The following BCL2L13 variants were observed in gnomAD, a reference collection of about 807,000 sequenced individuals.
The protein encoded by BCL2L13 is bcl-2-like protein 13.
A neutral mutation model predicts 25.8 loss-of-function variants in BCL2L13; 13 were observed. That is an observed-to-expected ratio of 0.50 (90% CI 0.33 to 0.80). BCL2L13 has a LOEUF of 0.80. Ranked by LOEUF, BCL2L13 falls within the 30% of genes least tolerant of loss-of-function variation. BCL2L13 has a pLI of 0.02. For synonymous variants in BCL2L13, 244 were observed against 230.3 expected, an observed-to-expected ratio of 1.06 and a Z score of -0.54; for missense variants, 504 against 574.9, an observed-to-expected ratio of 0.88 and a Z score of 1.26.
chr22:17,638,023 A>G (rs1190391842), upstream of BCL2L13: 1 of 152,068 alleles, frequency 6.6e-6, no homozygotes, highest in Non-Finnish European at 1.5e-5. Flanking sequence ...CTTATTGTCA[A>G]TGCCCTCCTT....
In BCL2L13 at chr22:17,638,819, G is replaced by A. The variant is rs2058160238; in HGVS notation, c.-118G>A. On this transcript the variant is annotated 5_prime_UTR_variant, in exon 1 of 7. Coordinates refer to ENST00000317582, the MANE Select transcript of BCL2L13 (RefSeq NM_015367.4). Reference sequence around the variant, plus strand: ...GGGTCGGAGCACTCACCGCCGCTGGGGGACCCTGTCGGAAGCAACTGCCGC... The same window carrying A: ...GGGTCGGAGCACTCACCGCCGCTGGAGGACCCTGTCGGAAGCAACTGCCGC... 8.1e-7 allele frequency: 1 copy of A among 1,231,918 alleles called. No individual in the cohort carries two copies. The highest frequency in any genetic ancestry group is 1.0e-6 in the Non-Finnish European group (1 of 988,256). 76.3% of individuals were successfully genotyped at this position (1,231,918 alleles called of 1,614,324 possible).
intron 6 of BCL2L13, among the ~76,000 whole-genome samples, chr22:17,725,966 C>T (rs1321510048): frequency 6.6e-6 from 1 of 151,730 alleles, no homozygotes; most frequent in Non-Finnish European, 1.5e-5. Flanking sequence ...GTGCATGAAG[C>T]AGATTTTTGA....
At chr22:17,714,086 G>A (rs369614589) in intron 6 of BCL2L13, among the ~76,000 whole-genome samples, 5 of 152,048 alleles carry the variant, frequency 3.3e-5, no homozygotes, top group African/African-American at 1.2e-4. Flanking sequence ...GAGGTCAGGA[G>A]ATCGAGACCA....
chr22:17,671,261 G>A lies in BCL2L13; in HGVS notation c.122-11953G>A, dbSNP rs113971972. The stretch of plus-strand genomic sequence containing the variant: ...TACAAAAAATTAGGTGGGTGTGATG[G>A]TGGGTGCCTGTAGTCCCAGCTACTG... On this transcript the variant is annotated intron_variant, in intron 2 of 6. Coordinates refer to ENST00000317582, the MANE Select transcript of BCL2L13 (RefSeq NM_015367.4). Among the ~76,000 whole-genome samples the A allele has an allele frequency of 4.2e-3, 646 of 152,142 alleles. 8 individuals carry two copies. Among genetic ancestry groups the A allele is most frequent in the African/African-American group, 0.015 (618 of 41,504 alleles).
chr22:17,684,764 G>A (rs921493880), intron 3 of BCL2L13: 1 of 347,052 alleles, frequency 2.9e-6, no homozygotes, highest in Non-Finnish European at 5.6e-6. Context: ...GACAGAGTCT[G>A]GCTCTTTGCC....
intron 2 of BCL2L13, among the ~76,000 whole-genome samples, chr22:17,672,207 G>A (rs2059439775): frequency 6.6e-6 from 1 of 152,176 alleles, no homozygotes; most frequent in East Asian, 1.9e-4. Flanking sequence ...AGATCATGGA[G>A]CTCTACCCTA....
intron 2 of BCL2L13, among the ~76,000 whole-genome samples, chr22:17,665,980 A>G (rs1340985834): frequency 6.6e-6 from 1 of 152,180 alleles, no homozygotes; most frequent in East Asian, 1.9e-4. Flanking sequence ...GGTTAATACC[A>G]GGGAGCACAG....
chr22:17,631,276 G>A (rs2895948), intron 1 of BCL2L13, among the ~76,000 whole-genome samples: 132,928 of 151,324 alleles, frequency 0.88, 58,739 homozygotes, highest in African/African-American at 0.97. Flanking sequence ...TTTTCTTTTT[G>A]GTAGAAACAG....
intron 2 of BCL2L13, among the ~76,000 whole-genome samples, chr22:17,681,014 C>G (rs926838661): frequency 6.6e-6 from 1 of 152,076 alleles, no homozygotes; most frequent in African/African-American, 2.4e-5. Context: ...AGTCCCATTT[C>G]CTACTCTGTC....
intron 2 of BCL2L13, among the ~76,000 whole-genome samples, chr22:17,679,927 T>TA (rs1169852640): frequency 6.6e-6 from 1 of 151,856 alleles, no homozygotes; most frequent in Non-Finnish European, 1.5e-5. Flanking sequence ...TATTAAGACT[T>TA]ATGGGCCAGG....
At chr22:17,675,237 A>C (rs776706194) in intron 2 of BCL2L13, among the ~76,000 whole-genome samples, 2 of 152,182 alleles carry the variant, frequency 1.3e-5, no homozygotes, top group Non-Finnish European at 2.9e-5. Context: ...AACATAGGAC[A>C]CAGAAATGCA....
intron 6 of BCL2L13, among the ~76,000 whole-genome samples, chr22:17,707,359 G>A (rs185812526): frequency 8.7e-4 from 132 of 152,262 alleles, no homozygotes; most frequent in African/African-American, 2.8e-3. Context: ...TTGGTTATAA[G>A]GGTCCAAAGC....
intron 6 of BCL2L13, among the ~76,000 whole-genome samples, chr22:17,715,163 TATATATA>T (rs1226031938): frequency 5.4e-4 from 3 of 5,508 alleles, no homozygotes; most frequent in African/African-American, 1.5e-3. Context: ...TATATATATA[TATATATA>T]TTTTTTTTTT....
Position 17,730,749 on chromosome 22 carries a change from G to A in BCL2L13, c.*3215G>A, listed in dbSNP as rs939244436. The stretch of plus-strand genomic sequence containing the variant: ...TGATTGCTAACAGACACGACCTAGA[G>A]CTTCTGCCCAAATTCCCACACAAGC... On this transcript the variant is annotated 3_prime_UTR_variant, in exon 7 of 7. Coordinates refer to ENST00000317582, the MANE Select transcript of BCL2L13 (RefSeq NM_015367.4). 1.4e-4 allele frequency: 22 copies of A among 151,950 alleles called. No individual in the cohort carries two copies. Among genetic ancestry groups the A allele is most frequent in the African/African-American group, 4.8e-4 (20 of 41,340 alleles). 9.4% of individuals were successfully genotyped at this position (151,950 alleles called of 1,614,324 possible). A position where few individuals can be genotyped will look rare whatever the true frequency, so the allele number is the denominator to read the frequency against.
intron 1 of BCL2L13, among the ~76,000 whole-genome samples, chr22:17,630,446 A>G (rs1217885987): frequency 6.6e-6 from 1 of 150,722 alleles, no homozygotes; most frequent in African/African-American, 2.4e-5. Context: ...TGCATGGCTA[A>G]TTTTTGTATT....
At chr22:17,681,605 TTGTG>T (rs1375506212) in intron 2 of BCL2L13, among the ~76,000 whole-genome samples, 1 of 151,894 alleles carries the variant, frequency 6.6e-6, no homozygotes, top group Non-Finnish European at 1.5e-5. Context: ...TTGCCAAACA[TTGTG>T]GGAGGAGGGG....
chr22:17,645,225 A>AT lies in BCL2L13; in HGVS notation c.-51+6360dup, dbSNP rs60836823. Among the ~76,000 whole-genome samples, 282 of 97,630 alleles carry AT rather than the reference A, an allele frequency of 2.9e-3. 13 individuals carry two copies. Among genetic ancestry groups the AT allele is most frequent in the African/African-American group, 8.9e-3 (208 of 23,402 alleles). 64.0% of individuals were successfully genotyped at this position (97,630 alleles called of 152,430 possible). A position where few individuals can be genotyped will look rare whatever the true frequency, so the allele number is the denominator to read the frequency against. On this transcript the variant is annotated intron_variant, in intron 1 of 6. Transcript: ENST00000317582. ...GCTTTACATAAGAACTAATAGTAGG[A>AT]TTTTTTTTTTTTTTTTTTTTTGGAG...
intron 5 of BCL2L13, among the ~76,000 whole-genome samples, chr22:17,696,849 CTG>C (rs2060278786): frequency 6.6e-6 from 1 of 152,052 alleles, no homozygotes; most frequent in Non-Finnish European, 1.5e-5. Flanking sequence ...TTATCTTAGA[CTG>C]TATTATTTAC....
At chr22:17,661,713 C>T (rs543280034) in intron 2 of BCL2L13, among the ~76,000 whole-genome samples, 2 of 145,836 alleles carry the variant, frequency 1.4e-5, no homozygotes, top group East Asian at 1.9e-4. Flanking sequence ...AATTATGTGC[C>T]GGGTGTGGTG....
Sources: gnomAD v4.1 joint callset for allele counts (sites outside exome capture counted in the v4.1 genomes callset) on GRCh38, gnomAD v4.1.1 for gene constraint, MANE v1.5 for transcripts, NCBI Gene and HGNC (gene_info 2026-07-23, HGNC 2026-07-21) for gene names.